Variants in WDR7 observed in about 807,000 individuals in gnomAD.
The protein encoded by WDR7 is WD repeat-containing protein 7.
A neutral mutation model predicts 169.4 loss-of-function variants in WDR7; 46 were observed. That is an observed-to-expected ratio of 0.27 (90% CI 0.21 to 0.35). WDR7 has a LOEUF of 0.35. WDR7 is among the 10% of genes least tolerant of loss of function. The pLI, the probability that WDR7 is intolerant of heterozygous loss-of-function variation, is 1.00. For synonymous variants in WDR7, 612 were observed against 666.8 expected (o/e 0.92, Z 1.27); for missense variants, 1,534 against 1,859.3 (o/e 0.83, Z 3.22).
Position 57,027,106 on chromosome 18 carries a change from G to A in WDR7, c.4372G>A (p.Gly1458Ser), listed in dbSNP as rs200098182. ...GCCCCCTGTGCAGCCCGCGTCCCCC[G>A]GCTCCCACAATGCCCTCAAGCTGGC... ...QVPPVQPASP[G>S]SHNALKLARL... Residue 1458 changes from glycine (G) to serine (S), a missense_variant, in exon 28 of 28, where the codon GGC becomes AGC. Transcript: ENST00000254442. 3.3e-5 allele frequency: 53 copies of A among 1,614,002 alleles called. 1 individual carries two copies. The South Asian group carries it at 3.5e-4, about 11-fold the overall frequency.
At chr18:56,836,011 T>C (rs1455281128) in intron 20 of WDR7, among the ~76,000 whole-genome samples, 1 of 152,206 alleles carries the variant, frequency 6.6e-6, no homozygotes, top group Non-Finnish European at 1.5e-5. Flanking sequence ...GATGCTTTCT[T>C]TAAAGCTTTA....
chr18:56,968,724 T>A (rs2047445279), intron 26 of WDR7, among the ~76,000 whole-genome samples: 1 of 152,108 alleles, frequency 6.6e-6, no homozygotes, highest in Non-Finnish European at 1.5e-5. Flanking sequence ...CCCCACACCT[T>A]CTAGCTTCCA....
chr18:56,663,947 A>G (rs916724048), intron 1 of WDR7, among the ~76,000 whole-genome samples: 8 of 152,208 alleles, frequency 5.3e-5, no homozygotes, highest in Non-Finnish European at 8.8e-5. Context: ...TCACGTGTCT[A>G]GGTAGAGGAA....
intron 16 of WDR7, among the ~76,000 whole-genome samples, chr18:56,764,667 CA>C (rs1229933908): frequency 6.6e-6 from 1 of 151,996 alleles, no homozygotes; most frequent in Non-Finnish European, 1.5e-5. Flanking sequence ...TTTTATGGCC[CA>C]AAATATAGTC....
intron 13 of WDR7, among the ~76,000 whole-genome samples, chr18:56,725,786 A>C (rs1206005056): frequency 6.6e-6 from 1 of 152,112 alleles, no homozygotes; most frequent in Non-Finnish European, 1.5e-5. Context: ...TTATGGTTTT[A>C]GGTCTAACAT....
intron 14 of WDR7, among the ~76,000 whole-genome samples, chr18:56,752,620 A>T (rs565891430): frequency 6.6e-6 from 1 of 152,344 alleles, no homozygotes; most frequent in South Asian, 2.1e-4. Flanking sequence ...ATTAAATACG[A>T]GAATGAGATT....
Position 56,894,730 on chromosome 18 carries a change from G to C in WDR7, c.3526+14565G>C, listed in dbSNP as rs550012464. 2.0e-5 allele frequency among the ~76,000 whole-genome samples: 3 copies of C among 152,154 alleles called. No individual in the cohort carries two copies. In the South Asian group the frequency reaches 6.2e-4, roughly 32 times the overall value. On this transcript the variant is annotated intron_variant, in intron 21 of 27. Coordinates refer to ENST00000254442, the MANE Select transcript of WDR7 (RefSeq NM_015285.3). ...ACTGAAGTAATGAGTGAAAACTAAA[G>C]TGCTTATACATAAAGCAGCCCTTGT...
chr18:57,018,782 A>G (rs1007965878), intron 26 of WDR7, among the ~76,000 whole-genome samples: 1 of 152,188 alleles, frequency 6.6e-6, no homozygotes, highest in Non-Finnish European at 1.5e-5. Flanking sequence ...GATTGGCCCA[A>G]TAGAATTTCA....
chr18:56,972,839 T>G (rs905219367), intron 26 of WDR7, among the ~76,000 whole-genome samples: 6 of 151,450 alleles, frequency 4.0e-5, no homozygotes, highest in Admixed American at 2.6e-4. Context: ...TACTTCTTGG[T>G]TTTTTTTTGT....
intron 2 of WDR7, among the ~76,000 whole-genome samples, chr18:56,673,855 T>G (rs1054503426): frequency 2.0e-5 from 3 of 152,008 alleles, no homozygotes; most frequent in Non-Finnish European, 2.9e-5. Context: ...CTAATACTCA[T>G]TCTCCCTAGA....
Position 56,877,884 on chromosome 18 carries a change from T to C in WDR7, c.3305-2060T>C, listed in dbSNP as rs577525455. On this transcript the variant is annotated intron_variant, in intron 20 of 27. Coordinates refer to ENST00000254442, the MANE Select transcript of WDR7 (RefSeq NM_015285.3). ...ATGGTGGGCTTTGATAATACCCAGA[T>C]TAATTACTTTATAAAAATTGGAAAC... Among the ~76,000 whole-genome samples the C allele has an allele frequency of 2.2e-4, 33 of 152,298 alleles. 2 individuals are homozygous for C. In the South Asian group the frequency reaches 6.8e-3, roughly 32 times the overall value.
chr18:57,033,908 G>C (rs139909717), downstream of WDR7: 51 of 152,422 alleles, frequency 3.3e-4, no homozygotes, highest in African/African-American at 1.2e-3. Context: ...AGCATTTTGC[G>C]AGGGTGAGGC....
At position 56,757,188 on chromosome 18, in the gene WDR7, A is replaced by G; in HGVS notation, c.2595A>G (p.Val865=). ...AACTGTCACATGGGAAAACAGAAGT[A>G]GGAAGGAAGCTGCCAGCGTCTGAGG... ...ACKLSHGKTE[V]GRKLPASEGV... The change falls in exon 15 of 28, where the codon GTA becomes GTG. Residue 865 remains valine, a synonymous_variant. Transcript: ENST00000254442. 3.1e-6 allele frequency: 5 copies of G among 1,614,128 alleles called. No homozygotes were observed. The highest frequency in any genetic ancestry group is 4.2e-6 in the Non-Finnish European group (5 of 1,180,004).
At chr18:56,818,137 T>C (rs920148632) in intron 20 of WDR7, among the ~76,000 whole-genome samples, 4 of 152,220 alleles carry the variant, frequency 2.6e-5, no homozygotes, top group Admixed American at 2.6e-4. Context: ...TAATTCCCTG[T>C]AAAGTTTAAA....
chr18:56,850,555 G>A (rs1208272901), intron 20 of WDR7, among the ~76,000 whole-genome samples: 3 of 152,046 alleles, frequency 2.0e-5, no homozygotes, highest in African/African-American at 7.2e-5. Context: ...TTTTACCCAG[G>A]CTAGAGTACA....
At chr18:57,000,383 C>G (rs552097228) in intron 26 of WDR7, among the ~76,000 whole-genome samples, 2 of 152,034 alleles carry the variant, frequency 1.3e-5, no homozygotes, top group East Asian at 3.9e-4. Flanking sequence ...CAATTAAGCA[C>G]GATATAAAAA....
chr18:56,795,509 AC>A (rs2044568860), intron 19 of WDR7, among the ~76,000 whole-genome samples: 1 of 152,302 alleles, frequency 6.6e-6, no homozygotes, highest in Admixed American at 6.5e-5. Context: ...CAGAAGTTTT[AC>A]TTAATTTGAT....
chr18:56,957,529 G>A (rs2047270695), intron 25 of WDR7: 2 of 150,820 alleles, frequency 1.3e-5, no homozygotes, highest in South Asian at 4.2e-4. Context: ...AAATAGTTAA[G>A]AGTAGTTACT....
At chr18:56,734,703 C>T (rs555061962) in intron 14 of WDR7, among the ~76,000 whole-genome samples, 1 of 152,004 alleles carries the variant, frequency 6.6e-6, no homozygotes, top group East Asian at 1.9e-4. Flanking sequence ...TTTTTATGCT[C>T]ACATTTTTTT....
Sources: gnomAD v4.1 joint callset for allele counts (sites outside exome capture counted in the v4.1 genomes callset) on GRCh38, gnomAD v4.1.1 for gene constraint, MANE v1.5 for transcripts, NCBI Gene and HGNC (gene_info 2026-07-23, HGNC 2026-07-21) for gene names.